VWDE: variants seen among roughly 807,000 people sequenced by gnomAD.
VWDE encodes von Willebrand factor D and EGF domains.
A neutral mutation model predicts 178.4 loss-of-function variants in VWDE; 207 were observed. The observed-to-expected ratio is 1.16, with a 90% CI of 1.04 to 1.30. The LOEUF is 1.30. Ranked by LOEUF, VWDE falls within the 50% of genes most tolerant of loss-of-function variation. VWDE has a pLI of 0.00. For synonymous variants in VWDE, 738 were observed against 651.4 expected (o/e 1.13, Z -2.02); for missense variants, 2,287 against 1,901.3 (o/e 1.20, Z -3.77).
chr7:12,365,269 G>A (rs181141673), intron 13 of VWDE, among the ~76,000 whole-genome samples: 1 of 151,926 alleles, frequency 6.6e-6, no homozygotes, highest in Non-Finnish European at 1.5e-5. Flanking sequence ...TAATAGTATT[G>A]TATCGAGGTG....
chr7:12,337,242 C>T lies in VWDE; in HGVS notation c.4397G>A (p.Gly1466Asp). The change falls in exon 25 of 29, where the codon GGC becomes GAC. Residue 1466 changes from glycine to aspartate, a missense_variant. By Grantham distance (94) the Gly-to-Asp change is moderately conservative. Transcript: ENST00000275358. ...GCACACATTATTTCTCATGCAGTGG[C>T]CACCATTCTTACAGGGAGGGTGACA... ...AFCHPPCKNGGHCMRNNVCVC... is the reference protein window; with the variant it reads ...AFCHPPCKNGDHCMRNNVCVC... The T allele has an allele frequency of 1.3e-6, 2 of 1,551,928 alleles. No individual in the cohort carries two copies. The highest frequency in any genetic ancestry group is 8.7e-7 in the Non-Finnish European group (1 of 1,147,016).
intron 23 of VWDE, among the ~76,000 whole-genome samples, chr7:12,341,251 A>G (rs1781312958): frequency 6.6e-6 from 1 of 152,184 alleles, no homozygotes; most frequent in East Asian, 1.9e-4. Flanking sequence ...GGCCAGCTAT[A>G]AACATTGAAT....
In VWDE at chr7:12,383,392, G is replaced by A. The variant is rs16877413; in HGVS notation, c.541+144C>T. 6,905 of 674,180 alleles carry A rather than the reference G, an allele frequency of 0.01. 389 individuals are homozygous for A. In the African/African-American group the frequency reaches 0.12, roughly 11 times the overall value. The allele number at this position is 674,180 out of a possible 1,614,324, so 41.8% of individuals were successfully genotyped here. On this transcript the variant is annotated intron_variant, in intron 4 of 28. Transcript: ENST00000275358. ...GACTATTTCTTAAAGGCACGATAAA[G>A]TTATTTTTATTTTTGATAGCTACCA... is the stretch of plus-strand genomic sequence containing the variant.
In VWDE at chr7:12,342,059, C is replaced by T. The variant is rs868037111; in HGVS notation, c.4270G>A (p.Ala1424Thr). The change falls in exon 23 of 29, where the codon GCT (alanine) becomes ACT (threonine). Residue 1424 changes from alanine to threonine, a missense_variant and splice_region_variant. Transcript: ENST00000275358. ...TCATTGAAAATATTTCCAATTTTAC[C>T]TGTACTACAGGTGGGTCCATACCAG... is the stretch of plus-strand genomic sequence containing the variant. The part of the protein sequence containing the change: ...PGWYGPTCST[A>T]LCDPVCLNGG... 126 of 1,546,990 alleles carry T rather than the reference C, an allele frequency of 8.1e-5. No homozygotes were observed. Among genetic ancestry groups the T allele is most frequent in the Non-Finnish European group, 1.1e-4 (122 of 1,143,840 alleles).
In VWDE at chr7:12,389,248, A is replaced by G; in HGVS notation, c.354T>C (p.Phe118=). The stretch of plus-strand genomic sequence containing the variant: ...AGCAGTCTTTTGTAGTGCTGAACAA[A>G]AACTGCCATGTTGCACAAGCTGTCA... ...KQLTACATWQ[F]LFSTTKDCCL... is the part of the protein sequence containing the mutation. Residue 118 remains phenylalanine, a synonymous_variant, in exon 3 of 29, where the codon TTT becomes TTC. Transcript: ENST00000275358. The G allele has an allele frequency of 6.4e-7, 1 of 1,551,716 alleles. No individual in the cohort carries two copies. Among genetic ancestry groups the G allele is most frequent in the Non-Finnish European group, 8.7e-7 (1 of 1,147,012 alleles).
intron 6 of VWDE, 128 bp downstream of exon 6, chr7:12,379,349 G>A (rs1175404150): frequency 3.8e-6 from 2 of 521,448 alleles, no homozygotes; most frequent in Non-Finnish European, 6.3e-6. Flanking sequence ...TCAAATATGG[G>A]GACTCATGGG....
chr7:12,356,068 A>C, intron 18 of VWDE, 43 bp downstream of exon 18: 1 of 1,493,494 alleles, frequency 6.7e-7, no homozygotes, highest in Non-Finnish European at 9.1e-7. Flanking sequence ...ATGTGTTTCA[A>C]GGAGCTTTTC....
In VWDE at chr7:12,372,741, C is replaced by T. The variant is rs537712862; in HGVS notation, c.1587+236G>A. On this transcript the variant is annotated intron_variant, in intron 10 of 28. Transcript: ENST00000275358. ...AAAGTAATTTTAATGAATAATCCAC[C>T]AAGTTGTCATGCTGAAATGTTAAAT... 1.2e-4 allele frequency among the ~76,000 whole-genome samples: 18 copies of T among 152,040 alleles called. No individual in the cohort carries two copies. The South Asian group carries it at 3.7e-3, about 32-fold the overall frequency.
At chr7:12,372,561 T>C (rs1783265221) in intron 10 of VWDE, among the ~76,000 whole-genome samples, 1 of 152,176 alleles carries the variant, frequency 6.6e-6, no homozygotes, top group South Asian at 2.1e-4. Context: ...AAAATATTAG[T>C]GAATATATAA....
intron 28 of VWDE, among the ~76,000 whole-genome samples, chr7:12,331,584 A>G (rs770355986): frequency 1.3e-5 from 2 of 151,966 alleles, no homozygotes; most frequent in African/African-American, 2.4e-5. Flanking sequence ...CTATTCCTCT[A>G]TTGGATGTAA....
At chr7:12,360,876 A>T (rs1243233360) in intron 15 of VWDE, among the ~76,000 whole-genome samples, 1 of 152,194 alleles carries the variant, frequency 6.6e-6, no homozygotes, top group Non-Finnish European at 1.5e-5. Flanking sequence ...TGAAAAAACA[A>T]TGTAGGTAGG....
At chr7:12,368,873 A>G (rs1014099644) in intron 12 of VWDE, among the ~76,000 whole-genome samples, 1 of 152,106 alleles carries the variant, frequency 6.6e-6, no homozygotes, top group African/African-American at 2.4e-5. Context: ...TTGAGGCATG[A>G]AGGAAAAGGA....
At chr7:12,366,768 C>T (rs2128554622) in intron 13 of VWDE, among the ~76,000 whole-genome samples, 1 of 152,164 alleles carries the variant, frequency 6.6e-6, no homozygotes, top group South Asian at 2.1e-4. Context: ...TTCATAGAGT[C>T]ATCCTTAAAA....
intron 1 of VWDE, among the ~76,000 whole-genome samples, chr7:12,403,224 C>T (rs1784994507): frequency 6.6e-6 from 1 of 152,178 alleles, no homozygotes; most frequent in East Asian, 1.9e-4. Context: ...AAATGTTCAC[C>T]AATGAATTAT....
At chr7:12,341,158 G>C (rs1781307905) in intron 23 of VWDE, among the ~76,000 whole-genome samples, 1 of 148,292 alleles carries the variant, frequency 6.7e-6, no homozygotes, top group African/African-American at 2.6e-5. Context: ...TTATAATTCT[G>C]TCACTAACAA....
chr7:12,370,851 G>A lies in VWDE; in HGVS notation c.1601C>T (p.Ser534Phe). ...LGRKVTIWFS[S>F]GAFIRADLGE... ...AAGATCAGCACGGATAAATGCCCCA[G>A]AAGAAAACCAGATCTGAAAAACAGA... Residue 534 changes from serine (S) to phenylalanine (F), a missense_variant, in exon 11 of 29, where the codon TCT becomes TTT. Coordinates refer to ENST00000275358, the MANE Select transcript of VWDE (RefSeq NM_001135924.3). 4.6e-6 allele frequency: 7 copies of A among 1,522,184 alleles called. No homozygotes were observed. The highest frequency in any genetic ancestry group is 6.2e-6 in the Non-Finnish European group (7 of 1,136,268). 94.3% of individuals were successfully genotyped at this position (1,522,184 alleles called of 1,614,324 possible).
chr7:12,383,381 G>GCTT, intron 4 of VWDE, among the ~76,000 whole-genome samples, 155 bp downstream of exon 4: 1 of 152,058 alleles, frequency 6.6e-6, no homozygotes, highest in South Asian at 2.1e-4. Context: ...ATTTCTTAAA[G>GCTT]GCACGATAAA....
chr7:12,331,300 C>T (rs1394126940), intron 28 of VWDE, 103 bp from the exon 29 acceptor site: 2 of 950,938 alleles, frequency 2.1e-6, no homozygotes, highest in East Asian at 2.7e-5. Flanking sequence ...ATACGTAAAG[C>T]TCTTTTGGTT....
At chr7:12,359,264 T>A (rs1318692187) in intron 16 of VWDE, among the ~76,000 whole-genome samples, 1 of 152,208 alleles carries the variant, frequency 6.6e-6, no homozygotes, top group Non-Finnish European at 1.5e-5. Context: ...GTTTAACAAG[T>A]GCTGAATCCA....
Sources: gnomAD v4.1 joint callset for allele counts (sites outside exome capture counted in the v4.1 genomes callset) on GRCh38, gnomAD v4.1.1 for gene constraint, MANE v1.5 for transcripts, NCBI Gene and HGNC (gene_info 2026-07-23, HGNC 2026-07-21) for gene names.